TMEM178B: variants seen among roughly 807,000 people sequenced by gnomAD.
The protein encoded by TMEM178B is transmembrane protein 178B.
TMEM178B carries 5 observed loss-of-function variants against 31.0 expected under a neutral mutation model. The ratio of observed to expected loss-of-function variants is 0.16; its 90% confidence interval spans 0.08 to 0.34. TMEM178B has a LOEUF of 0.34. Among genes scored for constraint, TMEM178B ranks in the 10% least tolerant of loss-of-function variants. The pLI is 1.00. For missense variants in TMEM178B, 275 were observed against 400.3 expected (o/e 0.69, Z 2.67); for synonymous variants, 164 against 164.0 (o/e 1.00, Z 0.00).
At chr7:141,292,634 C>CTTTTTTTT (rs34248650) in intron 2 of TMEM178B, among the ~76,000 whole-genome samples, 2 of 106,132 alleles carry the variant, frequency 1.9e-5, no homozygotes, top group Admixed American at 1.1e-4. Flanking sequence ...GCTTTTAGAT[C>CTTTTTTTT]TTTTTTTTTT....
At chr7:141,260,138 C>A (rs896613247) in intron 2 of TMEM178B, among the ~76,000 whole-genome samples, 4 of 149,918 alleles carry the variant, frequency 2.7e-5, no homozygotes, top group Admixed American at 1.3e-4. Context: ...TGACCTTCCT[C>A]ATTTATTTGC....
chr7:141,163,425 G>C (rs1796209264), intron 1 of TMEM178B, among the ~76,000 whole-genome samples: 1 of 152,142 alleles, frequency 6.6e-6, no homozygotes, highest in Non-Finnish European at 1.5e-5. Context: ...GAGAAACTGT[G>C]ATGTTTCATA....
chr7:141,301,095 C>T (rs564522227), intron 2 of TMEM178B, among the ~76,000 whole-genome samples: 12 of 152,228 alleles, frequency 7.9e-5, no homozygotes, highest in East Asian at 3.9e-4. Flanking sequence ...TTCTGAGTAC[C>T]GCAGCACCTT....
intron 2 of TMEM178B, among the ~76,000 whole-genome samples, chr7:141,301,771 C>A (rs531781697): frequency 1.2e-3 from 183 of 152,292 alleles, no homozygotes; most frequent in African/African-American, 4.2e-3. Context: ...CAGCAGCCAC[C>A]AACAGACTGC....
intron 1 of TMEM178B, among the ~76,000 whole-genome samples, chr7:141,203,853 G>A (rs1180790621): frequency 6.6e-6 from 1 of 152,210 alleles, no homozygotes; most frequent in African/African-American, 2.4e-5. Flanking sequence ...TTAAAAAAAG[G>A]AACTCTGGGA....
At chr7:141,421,275 A>G (rs1801204357) in intron 2 of TMEM178B, among the ~76,000 whole-genome samples, 1 of 152,166 alleles carries the variant, frequency 6.6e-6, no homozygotes, top group Non-Finnish European at 1.5e-5. Context: ...TTTTTGGGGG[A>G]AAAAATAAGT....
chr7:141,137,566 G>A (rs1795696122), intron 1 of TMEM178B, among the ~76,000 whole-genome samples: 3 of 152,222 alleles, frequency 2.0e-5, no homozygotes, highest in Non-Finnish European at 2.9e-5. Context: ...AAGGGTATGT[G>A]TGGGGCATGA....
the TMEM178B span, among the ~76,000 whole-genome samples, chr7:141,510,706 AAAAAAAG>A: frequency 9.2e-3 from 1,283 of 139,246 alleles, 49 homozygotes; most frequent in African/African-American, 0.033. Flanking sequence ...AAAAAAAAAA[AAAAAAAG>A]AAAAAAAAAG....
intron 2 of TMEM178B, among the ~76,000 whole-genome samples, chr7:141,281,202 C>G (rs1798353436): frequency 6.6e-6 from 1 of 152,042 alleles, no homozygotes; most frequent in South Asian, 2.1e-4. Flanking sequence ...AGCTGCAGGG[C>G]TGCACCTAGA....
At chr7:141,122,436 A>G (rs1209080331) in intron 1 of TMEM178B, among the ~76,000 whole-genome samples, 1 of 152,254 alleles carries the variant, frequency 6.6e-6, no homozygotes, top group African/African-American at 2.4e-5. Flanking sequence ...TGTCACATGT[A>G]AGAATTTTAT....
At chr7:141,430,210 A>G (rs1262319497) in intron 2 of TMEM178B, 3 of 152,240 alleles carry the variant, frequency 2.0e-5, no homozygotes, top group African/African-American at 4.8e-5. Flanking sequence ...AAGCATAAGG[A>G]CAGCTTCCAG....
chr7:141,317,455 G>A (rs914766499), intron 2 of TMEM178B, among the ~76,000 whole-genome samples: 3 of 152,180 alleles, frequency 2.0e-5, no homozygotes, highest in African/African-American at 7.2e-5. Flanking sequence ...AAGCAAGAAG[G>A]TCAGGCTGAG....
the TMEM178B span, among the ~76,000 whole-genome samples, chr7:141,500,553 C>T: frequency 6.6e-6 from 1 of 152,216 alleles, no homozygotes; most frequent in Non-Finnish European, 1.5e-5. Flanking sequence ...TACAAGGTCA[C>T]ATAGCTGGTT....
chr7:141,089,543 A>G (rs1794844493), intron 1 of TMEM178B, among the ~76,000 whole-genome samples: 1 of 152,236 alleles, frequency 6.6e-6, no homozygotes, highest in Non-Finnish European at 1.5e-5. Flanking sequence ...TCATGCTGCT[A>G]TAAAGACACA....
At chr7:141,327,445 C>A (rs1247974987) in intron 2 of TMEM178B, among the ~76,000 whole-genome samples, 1 of 152,132 alleles carries the variant, frequency 6.6e-6, no homozygotes, top group Non-Finnish European at 1.5e-5. Context: ...TAGAGTGGTA[C>A]ATTTGTTATA....
intron 2 of TMEM178B, among the ~76,000 whole-genome samples, chr7:141,294,159 A>G (rs1305742524): frequency 6.6e-6 from 1 of 152,142 alleles, no homozygotes; most frequent in African/African-American, 2.4e-5. Context: ...CTCACTCCCA[A>G]AGTGCTGTAA....
At chr7:141,508,763 T>C in the TMEM178B span, among the ~76,000 whole-genome samples, 1 of 152,172 alleles carries the variant, frequency 6.6e-6, no homozygotes, top group Non-Finnish European at 1.5e-5. Context: ...ATCATGAGAA[T>C]CGCACAGGAA....
intron 2 of TMEM178B, among the ~76,000 whole-genome samples, chr7:141,384,910 T>C (rs1236125297): frequency 2.0e-5 from 3 of 152,148 alleles, no homozygotes; most frequent in African/African-American, 7.2e-5. Flanking sequence ...TGATATTCTA[T>C]ATAGTGTGGA....
At chr7:141,399,704 C>T (rs893718365) in intron 2 of TMEM178B, among the ~76,000 whole-genome samples, 5 of 152,310 alleles carry the variant, frequency 3.3e-5, no homozygotes, top group African/African-American at 4.8e-5. Flanking sequence ...TGTTCGCCTT[C>T]GTTGTTTGCA....
Sources: gnomAD v4.1 joint callset for allele counts (sites outside exome capture counted in the v4.1 genomes callset) on GRCh38, gnomAD v4.1.1 for gene constraint, MANE v1.5 for transcripts, NCBI Gene and HGNC (gene_info 2026-07-23, HGNC 2026-07-21) for gene names.